PRKN: variants seen among roughly 807,000 people sequenced by gnomAD.
The protein encoded by PRKN is parkin RBR E3 ubiquitin protein ligase.
PRKN carries 56 observed loss-of-function variants against 59.5 expected under a neutral mutation model. That is an observed-to-expected ratio of 0.94 (90% CI 0.76 to 1.18). The LOEUF (loss-of-function observed/expected upper bound fraction) is 1.18. PRKN is among the 50% of genes most tolerant of loss of function. The pLI, the probability that PRKN is intolerant of heterozygous loss-of-function variation, is 0.00. For synonymous variants in PRKN, 250 were observed against 222.1 expected, an observed-to-expected ratio of 1.13 and a Z score of -1.12; for missense variants, 657 against 596.4, an observed-to-expected ratio of 1.10 and a Z score of -1.06.
intron 1 of PRKN, among the ~76,000 whole-genome samples, chr6:162,484,059 G>A (rs1338427532): frequency 6.6e-6 from 1 of 152,164 alleles, no homozygotes; most frequent in Non-Finnish European, 1.5e-5. Flanking sequence ...ATATATGGTT[G>A]TCTATGCATA....
At chr6:161,629,873 C>A (rs1018448288) in intron 7 of PRKN, among the ~76,000 whole-genome samples, 4 of 152,168 alleles carry the variant, frequency 2.6e-5, no homozygotes, top group African/African-American at 9.7e-5. Context: ...CTGATAAAAG[C>A]TTTGTTGACA....
intron 9 of PRKN, among the ~76,000 whole-genome samples, chr6:161,422,430 C>G (rs2115030600): frequency 6.6e-6 from 1 of 152,152 alleles, no homozygotes; most frequent in East Asian, 1.9e-4. Flanking sequence ...AACTCCTGAC[C>G]TCAAGTGATC....
rs556949493 is a variant in PRKN, at chr6:162,125,887, C to G, written c.535-71713G>C. Among the ~76,000 whole-genome samples the G allele has an allele frequency of 1.6e-4, 24 of 152,232 alleles. No individual in the cohort carries two copies. In the South Asian group the frequency reaches 2.9e-3, roughly 18 times the overall value. ...TCCGTTACAGTTGGAGGGTGAATTG[C>G]TGTATTTAAAACGGGTAGAGAACTG... On this transcript the variant is annotated intron_variant, in intron 4 of 11. Coordinates refer to ENST00000366898, the MANE Select transcript of PRKN (RefSeq NM_004562.3).
At chr6:161,974,859 G>A (rs1336340453) in intron 5 of PRKN, among the ~76,000 whole-genome samples, 1 of 152,104 alleles carries the variant, frequency 6.6e-6, no homozygotes, top group East Asian at 1.9e-4. Context: ...TGGTTTTGTA[G>A]GGTATATGGT....
intron 6 of PRKN, among the ~76,000 whole-genome samples, chr6:161,811,530 T>A (rs1048173391): frequency 6.6e-6 from 1 of 152,154 alleles, no homozygotes; most frequent in African/African-American, 2.4e-5. Flanking sequence ...ATATGCACGA[T>A]AGCAACAGTA....
At chr6:162,235,958 GAAGAAAGAAAGAAAGAAAGAAAGAAAGA>G (rs58769358) in intron 3 of PRKN, among the ~76,000 whole-genome samples, 1 of 92,676 alleles carries the variant, frequency 1.1e-5, no homozygotes. Flanking sequence ...AGGAAGAAAG[GAAGAAAGAAAGAAAGAAAGAAAGAAAGA>G]AAGAAAGAAA....
At chr6:161,861,262 G>A (rs1793885284) in intron 6 of PRKN, among the ~76,000 whole-genome samples, 1 of 152,170 alleles carries the variant, frequency 6.6e-6, no homozygotes, top group African/African-American at 2.4e-5. Flanking sequence ...GGATGAGTTT[G>A]TGTCCTTTGC....
rs1259072145 is a variant in PRKN at position 161,461,526 on chromosome 6, G to C, written c.1084-74649C>G. ...TGTTCCAGTAGTTGAGGTAAAGAGT[G>C]GGGACCCTGAGTTAATAGGAAAGAG... is the stretch of plus-strand genomic sequence containing the variant. On this transcript the variant is annotated intron_variant, in intron 9 of 11. Transcript: ENST00000366898. This position sits in a 1 kb window ranked among gnomAD's most constrained non-coding sequence, Gnocchi z 5.1. 6.6e-6 allele frequency among the ~76,000 whole-genome samples: 1 copy of C among 152,046 alleles called. No homozygotes were observed. The highest frequency in any genetic ancestry group is 1.5e-5 in the Non-Finnish European group (1 of 68,018).
At chr6:162,385,854 C>T (rs981198991) in intron 2 of PRKN, among the ~76,000 whole-genome samples, 4 of 151,880 alleles carry the variant, frequency 2.6e-5, no homozygotes, top group South Asian at 2.1e-4. Context: ...TTATTCAGTT[C>T]GGTTTTTTCC....
chr6:161,735,788 G>A (rs998834350), intron 7 of PRKN, among the ~76,000 whole-genome samples: 25 of 152,002 alleles, frequency 1.6e-4, no homozygotes, highest in African/African-American at 5.3e-4. Context: ...GATGGAGGGC[G>A]CCTGTAGTCC....
intron 6 of PRKN, among the ~76,000 whole-genome samples, chr6:161,801,137 C>A (rs1791057579): frequency 6.6e-6 from 1 of 152,168 alleles, no homozygotes; most frequent in Non-Finnish European, 1.5e-5. Context: ...CTGTCCACAG[C>A]CCACCGGTGA....
At chr6:162,116,330 C>T (rs1780670963) in intron 4 of PRKN, among the ~76,000 whole-genome samples, 1 of 152,188 alleles carries the variant, frequency 6.6e-6, no homozygotes, top group Non-Finnish European at 1.5e-5. Flanking sequence ...GCAAACAATT[C>T]CTACTTGAGT....
intron 5 of PRKN, among the ~76,000 whole-genome samples, chr6:162,022,965 T>C (rs1582911068): frequency 6.6e-6 from 1 of 152,154 alleles, no homozygotes; most frequent in Admixed American, 6.5e-5. Context: ...CAGTTGCTTG[T>C]AGGTATGAGG....
chr6:162,021,137 T>C (rs1383206872), intron 5 of PRKN, among the ~76,000 whole-genome samples: 72 of 5,192 alleles, frequency 0.014, 5 homozygotes, highest in African/African-American at 0.08. Context: ...TATATATATA[T>C]ATATATATAT....
chr6:161,425,694 A>G (rs1267063738), intron 9 of PRKN, among the ~76,000 whole-genome samples: 1 of 152,160 alleles, frequency 6.6e-6, no homozygotes, highest in African/African-American at 2.4e-5. Context: ...AGTCAAGATT[A>G]CAACTAAGTA....
chr6:162,300,955 C>T (rs1781915373), intron 2 of PRKN, among the ~76,000 whole-genome samples: 2 of 151,728 alleles, frequency 1.3e-5, no homozygotes, highest in African/African-American at 4.8e-5. Flanking sequence ...CATCCACAGA[C>T]ATGCACTAAA....
intron 2 of PRKN, among the ~76,000 whole-genome samples, chr6:162,432,693 C>T (rs576886505): frequency 1.3e-5 from 2 of 152,292 alleles, no homozygotes; most frequent in South Asian, 2.1e-4. Flanking sequence ...TTATCAATTA[C>T]AGAGGCAAAA....
rs117680903 is a variant in PRKN, at chr6:161,893,492, A to G, written c.734+79810T>C. Among the ~76,000 whole-genome samples the G allele has an allele frequency of 7.5e-3, 1,139 of 152,300 alleles. 5 individuals carry two copies. The highest frequency in any genetic ancestry group is 0.012 in the Non-Finnish European group (846 of 68,034). On this transcript the variant is annotated intron_variant, in intron 6 of 11. Coordinates refer to ENST00000366898, the MANE Select transcript of PRKN (RefSeq NM_004562.3). ...TAGACACTGGGCTCAAACCTTAAAC[A>G]CTGTCTGTGCCTTCACTATGTTATC... is the stretch of plus-strand genomic sequence containing the variant.
chr6:161,509,918 C>T (rs961210481), intron 9 of PRKN, among the ~76,000 whole-genome samples: 6 of 147,938 alleles, frequency 4.1e-5, no homozygotes, highest in East Asian at 2.0e-4. Flanking sequence ...AGCCACAAAT[C>T]GATATTTTAA....
Sources: allele counts gnomAD v4.1 joint callset (sites outside exome capture counted in the v4.1 genomes callset), GRCh38; gene constraint gnomAD v4.1.1; non-coding constraint Gnocchi (gnomAD v3.1); transcripts MANE v1.5; gene names NCBI Gene and HGNC (gene_info 2026-07-23, HGNC 2026-07-21).